Variants in SEC16B observed in about 807,000 individuals in gnomAD.
SEC16B encodes protein transport protein Sec16B.
SEC16B carries 115 observed loss-of-function variants against 141.8 expected under a neutral mutation model. The observed-to-expected ratio is 0.81, with a 90% CI of 0.70 to 0.95. The LOEUF is 0.95. Among genes scored for constraint, SEC16B ranks in the 40% least tolerant of loss-of-function variants. SEC16B has a pLI of 0.00. For synonymous variants in SEC16B, 493 were observed against 492.5 expected (o/e 1.00, Z -0.01); for missense variants, 1,291 against 1,312.3 (o/e 0.98, Z 0.25).
intron 12 of SEC16B, among the ~76,000 whole-genome samples, chr1:177,949,383 A>AAC (rs61635250): frequency 0.12 from 16,764 of 136,296 alleles, 1,086 homozygotes; most frequent in South Asian, 0.17. Context: ...TCCCTTGCTA[A>AAC]ACACACACAC....
chr1:177,945,681 T>C (rs1651640820), intron 14 of SEC16B: 1 of 152,298 alleles, frequency 6.6e-6, no homozygotes, highest in African/African-American at 2.4e-5. Flanking sequence ...TAAGTGACGA[T>C]TAAAATCTTT....
Position 177,965,885 on chromosome 1 carries a change from T to A in SEC16B, c.412+8A>T. On this transcript the variant is annotated splice_region_variant and intron_variant, in intron 3 of 25. Coordinates refer to ENST00000308284, the MANE Select transcript of SEC16B (RefSeq NM_033127.4). Reference sequence around the variant, plus strand: ...AATCCCAGAGGCTTCTTGGAGACTTTTCCATACCTCTTTCTTCCTGCAGCC... The same window carrying A: ...AATCCCAGAGGCTTCTTGGAGACTTATCCATACCTCTTTCTTCCTGCAGCC... 1 of 1,549,084 alleles carries A rather than the reference T, an allele frequency of 6.5e-7. No individual in the cohort carries two copies. Among genetic ancestry groups the A allele is most frequent in the Admixed American group, 1.9e-5 (1 of 53,756 alleles).
At chr1:177,960,474 G>T in intron 7 of SEC16B, 71 bp from the exon 8 acceptor site, 1 of 1,086,220 alleles carries the variant, frequency 9.2e-7, no homozygotes, top group Non-Finnish European at 1.4e-6. Context: ...CAAGTCTAGT[G>T]TCAGACCCCA....
rs147418224 is a variant in SEC16B, at chr1:177,932,081, C to A, written c.3012+409G>T. ...AAAATACAACATTTGGAGATGGGGT[C>A]TTTAAAGAGGCAATTAACATAAATG... is the stretch of plus-strand genomic sequence containing the variant. On this transcript the variant is annotated intron_variant, in intron 24 of 25. Coordinates refer to ENST00000308284, the MANE Select transcript of SEC16B (RefSeq NM_033127.4). Among the ~76,000 whole-genome samples, 20 of 152,274 alleles carry A rather than the reference C, an allele frequency of 1.3e-4. No individual in the cohort carries two copies. In the East Asian group the frequency reaches 2.1e-3, roughly 16 times the overall value.
chr1:177,965,756 TC>T lies in SEC16B; in HGVS notation c.412+136del, dbSNP rs959519264. The stretch of plus-strand genomic sequence containing the variant: ...TCTCAGGACATCTAGGAGGAGTGTT[TC>T]TGCTATGGTCTCGTCTGGCCAAGAA... On this transcript the variant is annotated intron_variant, in intron 3 of 25. Coordinates refer to ENST00000308284, the MANE Select transcript of SEC16B (RefSeq NM_033127.4). 9.5e-5 allele frequency: 56 copies of T among 587,234 alleles called. 1 individual carries two copies. Among genetic ancestry groups the T allele is most frequent in the South Asian group, 6.8e-4 (29 of 42,336 alleles). The allele number at this position is 587,234 out of a possible 1,614,324, so 36.4% of individuals were successfully genotyped here. A position where few individuals can be genotyped will look rare whatever the true frequency, so the allele number is the denominator to read the frequency against.
intron 2 of SEC16B, among the ~76,000 whole-genome samples, chr1:177,967,475 A>T (rs1653624898): frequency 6.6e-6 from 1 of 152,170 alleles, no homozygotes; most frequent in African/African-American, 2.4e-5. Flanking sequence ...AAGAAGCTCC[A>T]CTAGGGGAAA....
intron 16 of SEC16B, among the ~76,000 whole-genome samples, chr1:177,941,699 G>A (rs889642563): frequency 5.3e-5 from 8 of 152,066 alleles, no homozygotes; most frequent in Non-Finnish European, 5.9e-5. Context: ...ACCACCACCC[G>A]CCCAGAGAAG....
chr1:177,934,402 C>G (rs1053325833), intron 20 of SEC16B, among the ~76,000 whole-genome samples: 3 of 152,154 alleles, frequency 2.0e-5, no homozygotes, highest in Non-Finnish European at 4.4e-5. Context: ...ATATTGCCCT[C>G]TTCTGTTATA....
intron 5 of SEC16B, among the ~76,000 whole-genome samples, chr1:177,962,961 A>G (rs1369310270): frequency 1.3e-5 from 2 of 151,544 alleles, no homozygotes; most frequent in African/African-American, 4.8e-5. Flanking sequence ...TACAAAAATT[A>G]GCTGGGCATG....
intron 24 of SEC16B, 67 bp downstream of exon 24, chr1:177,932,423 G>A: frequency 8.1e-7 from 1 of 1,237,542 alleles, no homozygotes; most frequent in Non-Finnish European, 1.1e-6. Context: ...TGCCCACACT[G>A]AAGGTTCAGT....
In SEC16B at chr1:177,933,530, T is replaced by C; in HGVS notation, c.2678A>G (p.Asn893Ser). 2 of 1,613,920 alleles carry C rather than the reference T, an allele frequency of 1.2e-6. No individual in the cohort carries two copies. The highest frequency in any genetic ancestry group is 1.7e-6 in the Non-Finnish European group (2 of 1,179,866). ...TCCGAGCTTGCCTCTCTGGGCAGTA[T>C]TTCGGGGAGAGTTTTTATCAGCCTC... ...SDEADKNSPR[N>S]TAQRGKLGDG... The change falls in exon 21 of 26, where the codon AAT becomes AGT. Residue 893 changes from asparagine (N) to serine (S), a missense_variant. Asn to Ser is a conservative substitution (Grantham distance 46, BLOSUM62 1). This residue lies in a region of SEC16B where 605 missense variants were observed against 614.1 expected (regional missense o/e 0.99). Coordinates refer to ENST00000308284, the MANE Select transcript of SEC16B (RefSeq NM_033127.4).
chr1:177,970,292 C>T (rs1003234704), upstream of SEC16B: 4 of 152,238 alleles, frequency 2.6e-5, no homozygotes, highest in African/African-American at 9.6e-5. Flanking sequence ...AAAAGCACCA[C>T]CTTTGGGGTG....
At chr1:177,956,656 A>G (rs1652624802) in intron 10 of SEC16B, among the ~76,000 whole-genome samples, 1 of 152,190 alleles carries the variant, frequency 6.6e-6, no homozygotes, top group South Asian at 2.1e-4. Flanking sequence ...TTCAAAATTA[A>G]GCTAGAAATC....
At chr1:177,942,433 C>A (rs929580650) in intron 15 of SEC16B, among the ~76,000 whole-genome samples, 8 of 152,130 alleles carry the variant, frequency 5.3e-5, no homozygotes, top group African/African-American at 1.9e-4. Context: ...CTTGGGAGGC[C>A]GACGCAGGTG....
At chr1:177,933,159 G>T in intron 22 of SEC16B, 55 bp downstream of exon 22, 1 of 1,411,624 alleles carries the variant, frequency 7.1e-7, no homozygotes, top group Non-Finnish European at 9.7e-7. Flanking sequence ...TGCTGAGGCA[G>T]CTCCCTCTGA....
chr1:177,932,234 G>A (rs1050749813), intron 24 of SEC16B, among the ~76,000 whole-genome samples: 1 of 152,218 alleles, frequency 6.6e-6, no homozygotes, highest in Non-Finnish European at 1.5e-5. Context: ...CACAAGCCAA[G>A]GAAAGAGGTC....
At chr1:177,978,232 T>C (rs1011496371) in intron 1 of SEC16B, among the ~76,000 whole-genome samples, 1 of 152,220 alleles carries the variant, frequency 6.6e-6, no homozygotes, top group Non-Finnish European at 1.5e-5. Flanking sequence ...TAATAATGAA[T>C]ATCTTCATGA....
chr1:177,935,263 G>C (rs1449046853), intron 20 of SEC16B, among the ~76,000 whole-genome samples: 1 of 151,820 alleles, frequency 6.6e-6, no homozygotes, highest in East Asian at 1.9e-4. Flanking sequence ...GGTCTGATGT[G>C]CTGATGCCTC....
upstream of SEC16B, among the ~76,000 whole-genome samples, chr1:177,970,815 C>G (rs3813657): frequency 2.6e-5 from 4 of 152,218 alleles, no homozygotes; most frequent in South Asian, 6.2e-4. Context: ...TGAATTTGCT[C>G]TTTTAAAAAA....
Sources: gnomAD v4.1 joint callset for allele counts (sites outside exome capture counted in the v4.1 genomes callset) on GRCh38, gnomAD v4.1.1 for gene constraint, gnomAD v4.1.1 regional missense constraint, MANE v1.5 for transcripts, NCBI Gene and HGNC (gene_info 2026-07-23, HGNC 2026-07-21) for gene names.